MSI2: variants seen among roughly 807,000 people sequenced by gnomAD.
MSI2 encodes the protein musashi RNA binding protein 2, also known as RNA-binding protein Musashi homolog 2.
MSI2 carries 17 observed loss-of-function variants against 45.6 expected under a neutral mutation model. The observed-to-expected ratio is 0.37, with a 90% CI of 0.26 to 0.56. The LOEUF (loss-of-function observed/expected upper bound fraction) is 0.56, where lower values mean the gene tolerates loss of function less well. Among genes scored for constraint, MSI2 ranks in the 20% least tolerant of loss-of-function variants. MSI2 has a pLI of 0.77. For synonymous variants in MSI2, 156 were observed against 158.2 expected, an observed-to-expected ratio of 0.99 and a Z score of 0.11; for missense variants, 293 against 444.2, an observed-to-expected ratio of 0.66 and a Z score of 3.06.
intron 7 of MSI2, among the ~76,000 whole-genome samples, chr17:57,542,972 C>T (rs1194018577): frequency 6.6e-6 from 1 of 152,234 alleles, no homozygotes; most frequent in Non-Finnish European, 1.5e-5. Context: ...CTTCCACTCT[C>T]CTCCATGTCC....
chr17:57,603,157 C>T (rs1208951369), intron 8 of MSI2, among the ~76,000 whole-genome samples: 4 of 152,220 alleles, frequency 2.6e-5, no homozygotes, highest in Non-Finnish European at 4.4e-5. Context: ...ACCAGATTTC[C>T]GAAGATCTCC....
intron 6 of MSI2, among the ~76,000 whole-genome samples, chr17:57,468,962 T>C (rs191821437): frequency 6.6e-6 from 1 of 152,328 alleles, no homozygotes; most frequent in Admixed American, 6.5e-5. Flanking sequence ...GCAGAGGCCT[T>C]GAGTCTCCTC....
rs542716220 is a variant in MSI2, at chr17:57,647,098, T to C, written c.728-5001T>C. On this transcript the variant is annotated intron_variant, in intron 10 of 13. Coordinates refer to ENST00000284073, the MANE Select transcript of MSI2 (RefSeq NM_138962.4). ...ACTCCACTAAAATGATGCTATGAAGTTGGGATATTATGAAGGATACCAGAC... is the reference window on the plus strand; with the variant it reads ...ACTCCACTAAAATGATGCTATGAAGCTGGGATATTATGAAGGATACCAGAC... Among the ~76,000 whole-genome samples, 3 of 151,668 alleles carry C rather than the reference T, an allele frequency of 2.0e-5. No individual in the cohort carries two copies. The East Asian group carries it at 5.8e-4, about 29-fold the overall frequency.
chr17:57,615,448 G>C (rs1021641100), intron 8 of MSI2, among the ~76,000 whole-genome samples: 1 of 152,120 alleles, frequency 6.6e-6, no homozygotes, highest in Non-Finnish European at 1.5e-5. Context: ...AACTTCTGAT[G>C]CTCTGTTTTC....
At chr17:57,530,396 T>C (rs1449439866) in intron 7 of MSI2, among the ~76,000 whole-genome samples, 1 of 152,262 alleles carries the variant, frequency 6.6e-6, no homozygotes, top group Admixed American at 6.5e-5. Context: ...AAAGGGTCTC[T>C]GGCCCTGCCC....
At chr17:57,566,416 A>G (rs2087733977) in intron 7 of MSI2, among the ~76,000 whole-genome samples, 1 of 152,246 alleles carries the variant, frequency 6.6e-6, no homozygotes, top group Admixed American at 6.5e-5. Context: ...TAAAAAAGCC[A>G]TGAGAAGACA....
chr17:57,288,324 C>T (rs1910105766), intron 5 of MSI2, among the ~76,000 whole-genome samples: 2 of 152,000 alleles, frequency 1.3e-5, no homozygotes, highest in East Asian at 1.9e-4. Flanking sequence ...GGGAGGAGGT[C>T]GTGCAGTTAC....
rs552203447 is a variant in MSI2, at chr17:57,491,772, G to A, written c.406-37904G>A. The stretch of plus-strand genomic sequence containing the variant: ...TGATTTTTTCAAAGCCTTCACGACT[G>A]CTCTAATGATAGGCATATGAAGCCA... On this transcript the variant is annotated intron_variant, in intron 6 of 13. Transcript: ENST00000284073. Among the ~76,000 whole-genome samples the A allele has an allele frequency of 5.3e-5, 8 of 152,202 alleles. No homozygotes were observed. In the South Asian group the frequency reaches 8.3e-4, roughly 16 times the overall value.
intron 6 of MSI2, among the ~76,000 whole-genome samples, chr17:57,443,274 G>A (rs986914239): frequency 2.0e-5 from 3 of 152,144 alleles, no homozygotes; most frequent in African/African-American, 4.8e-5. Flanking sequence ...GGCTCTTCTC[G>A]TTCTCCAACC....
At chr17:57,463,824 C>G (rs1013665584) in intron 6 of MSI2, among the ~76,000 whole-genome samples, 1 of 151,798 alleles carries the variant, frequency 6.6e-6, no homozygotes, top group Non-Finnish European at 1.5e-5. Context: ...TGCATTCATT[C>G]TCTATATTAT....
intron 5 of MSI2, among the ~76,000 whole-genome samples, chr17:57,358,206 T>C: frequency 6.8e-6 from 1 of 146,238 alleles, no homozygotes; most frequent in Middle Eastern, 3.5e-3. Context: ...TGTGGGGGGG[T>C]GTGTGTGTGT....
At chr17:57,623,926 C>T (rs905344298) in intron 9 of MSI2, among the ~76,000 whole-genome samples, 5 of 152,158 alleles carry the variant, frequency 3.3e-5, no homozygotes, top group Admixed American at 2.0e-4. Flanking sequence ...GGATGTTCGG[C>T]GATTGGGGGT....
rs150907101 is a variant in MSI2, at chr17:57,343,884, C to A, written c.313-57495C>A. Among the ~76,000 whole-genome samples the A allele has an allele frequency of 6.7e-4, 102 of 152,288 alleles. No homozygotes were observed. The East Asian group carries it at 6.9e-3, about 10-fold the overall frequency. Reference sequence around the variant, plus strand: ...TCTAGTATTTCCTCATGACTAGATTCAAGTTATGCTTTCCTGGCCAGAACA... The same window carrying A: ...TCTAGTATTTCCTCATGACTAGATTAAAGTTATGCTTTCCTGGCCAGAACA... On this transcript the variant is annotated intron_variant, in intron 5 of 13. Coordinates refer to ENST00000284073, the MANE Select transcript of MSI2 (RefSeq NM_138962.4).
chr17:57,557,905 C>T (rs1456964565), intron 7 of MSI2, among the ~76,000 whole-genome samples: 3 of 152,228 alleles, frequency 2.0e-5, no homozygotes, highest in Admixed American at 2.0e-4. Flanking sequence ...GAATTGTCAG[C>T]ATTCCAGAAA....
intron 6 of MSI2, among the ~76,000 whole-genome samples, chr17:57,426,169 T>C (rs949969871): frequency 6.6e-6 from 1 of 152,288 alleles, no homozygotes; most frequent in South Asian, 2.1e-4. Context: ...TGGTGGCAAA[T>C]AAAATGTTTT....
rs59450030 is a variant in MSI2 at position 57,548,093 on chromosome 17, C to T, written c.454+18369C>T. Among the ~76,000 whole-genome samples, 592 of 152,318 alleles carry T rather than the reference C, an allele frequency of 3.9e-3. 7 individuals are homozygous for T. Among genetic ancestry groups the T allele is most frequent in the African/African-American group, 0.014 (566 of 41,564 alleles). ...CCATAGATGTGGACGCTCTTTAGTA[C>T]GCATCGTGGCATCCTCCTCCCAGTG... On this transcript the variant is annotated intron_variant, in intron 7 of 13. Coordinates refer to ENST00000284073, the MANE Select transcript of MSI2 (RefSeq NM_138962.4).
At chr17:57,289,222 T>C (rs887533898) in intron 5 of MSI2, among the ~76,000 whole-genome samples, 1 of 152,174 alleles carries the variant, frequency 6.6e-6, no homozygotes, top group African/African-American at 2.4e-5. Flanking sequence ...TCTTCCCTTT[T>C]GGTTAAGTGA....
At chr17:57,622,253 G>GCACTGCCTTGCGA (rs1313277695) in intron 9 of MSI2, among the ~76,000 whole-genome samples, 2 of 152,122 alleles carry the variant, frequency 1.3e-5, no homozygotes, top group Non-Finnish European at 2.9e-5. Flanking sequence ...AGACTTTGCG[G>GCACTGCCTTGCGA]CACCGCACCA....
At chr17:57,424,268 G>A (rs924087129) in intron 6 of MSI2, among the ~76,000 whole-genome samples, 1 of 152,196 alleles carries the variant, frequency 6.6e-6, no homozygotes, top group South Asian at 2.1e-4. Flanking sequence ...ATACTCCAAG[G>A]TATCCTTCTG....
Sources: allele counts gnomAD v4.1 joint callset (sites outside exome capture counted in the v4.1 genomes callset), GRCh38; gene constraint gnomAD v4.1.1; transcripts MANE v1.5; gene names NCBI Gene and HGNC (gene_info 2026-07-23, HGNC 2026-07-21).